Variants in RSPO3 observed in about 807,000 individuals in gnomAD.
RSPO3 encodes R-spondin 3, also known as R-spondin-3.
A neutral mutation model predicts 36.5 loss-of-function variants in RSPO3; 17 were observed. That is an observed-to-expected ratio of 0.47 (90% CI 0.32 to 0.70). The LOEUF (loss-of-function observed/expected upper bound fraction) is 0.70. Among genes scored for constraint, RSPO3 ranks in the 30% least tolerant of loss-of-function variants. The probability of loss-of-function intolerance (pLI) is 0.04; values close to 1 mark genes in which losing one functional copy is unlikely to be tolerated. For missense variants in RSPO3, 294 were observed against 322.5 expected (o/e 0.91, Z 0.68); for synonymous variants, 108 against 107.0 (o/e 1.01, Z -0.06).
At chr6:127,121,376 T>G (rs778866042) in intron 1 of RSPO3, among the ~76,000 whole-genome samples, 15 of 152,200 alleles carry the variant, frequency 9.9e-5, no homozygotes, top group Non-Finnish European at 2.1e-4. Flanking sequence ...TCGACCTGCC[T>G]TAATCATCTC....
chr6:127,145,152 C>T lies in RSPO3; in HGVS notation c.98-3496C>T, dbSNP rs1465627438. 3.3e-5 allele frequency among the ~76,000 whole-genome samples: 5 copies of T among 152,190 alleles called. No individual in the cohort carries two copies. In the South Asian group the frequency reaches 1.0e-3, roughly 32 times the overall value. On this transcript the variant is annotated intron_variant, in intron 1 of 4. Transcript: ENST00000356698. ...GCTTTTACTCCCCTGGTAGCCCCTC[C>T]CCTCTCTATTCACTGGCTGGACCTA...
chr6:127,159,638 A>C (rs1463364265), intron 4 of RSPO3, among the ~76,000 whole-genome samples: 1 of 143,684 alleles, frequency 7.0e-6, no homozygotes, highest in Non-Finnish European at 1.5e-5. Context: ...CATTACATAC[A>C]TTCTCCTTTT....
chr6:127,147,514 T>C (rs954835397), intron 1 of RSPO3, among the ~76,000 whole-genome samples: 5 of 152,128 alleles, frequency 3.3e-5, no homozygotes, highest in African/African-American at 1.2e-4. Flanking sequence ...AGCAATATAT[T>C]TGAGTGGAGA....
intron 1 of RSPO3, among the ~76,000 whole-genome samples, chr6:127,144,594 A>G (rs143086209): frequency 3.6e-3 from 428 of 117,290 alleles, no homozygotes; most frequent in African/African-American, 0.013. Flanking sequence ...AATGTCCCCT[A>G]TTTTGCATGA....
At chr6:127,142,581 A>G (rs1301054670) in intron 1 of RSPO3, among the ~76,000 whole-genome samples, 2 of 152,220 alleles carry the variant, frequency 1.3e-5, no homozygotes, top group African/African-American at 4.8e-5. Flanking sequence ...CTCTAAGGGA[A>G]TGAATTACTG....
chr6:127,123,754 G>A (rs1163957258), intron 1 of RSPO3, among the ~76,000 whole-genome samples: 1 of 152,036 alleles, frequency 6.6e-6, no homozygotes, highest in Non-Finnish European at 1.5e-5. Flanking sequence ...GAAATATGAA[G>A]AGTATTTGAA....
chr6:127,135,222 C>T (rs1774130795), intron 1 of RSPO3, among the ~76,000 whole-genome samples: 1 of 151,682 alleles, frequency 6.6e-6, no homozygotes, highest in African/African-American at 2.4e-5. Flanking sequence ...GAGATCGAGA[C>T]CATCATAGCC....
intron 4 of RSPO3, among the ~76,000 whole-genome samples, chr6:127,155,856 G>A (rs907520586): frequency 2.0e-5 from 3 of 149,218 alleles, no homozygotes; most frequent in Non-Finnish European, 3.0e-5. Context: ...AAATGTAGTG[G>A]TAAGCTTTTG....
Position 127,195,806 on chromosome 6 carries a change from G to C in RSPO3, c.635-17G>C. The stretch of plus-strand genomic sequence containing the variant: ...ATAATTGAATGTAATTTTTAAAAGA[G>C]TATCCTTTCATTTCAGGAAAAAAAG... On this transcript the variant is annotated splice_polypyrimidine_tract_variant and intron_variant, in intron 4 of 4. Transcript: ENST00000356698. 1 of 1,457,592 alleles carries C rather than the reference G, an allele frequency of 6.9e-7. No homozygotes were observed. Among genetic ancestry groups the C allele is most frequent in the East Asian group, 2.5e-5 (1 of 40,056 alleles). 90.3% of individuals were successfully genotyped at this position (1,457,592 alleles called of 1,614,324 possible).
intron 4 of RSPO3, among the ~76,000 whole-genome samples, chr6:127,183,613 T>G (rs1775232488): frequency 6.6e-6 from 1 of 152,070 alleles, no homozygotes; most frequent in African/African-American, 2.4e-5. Flanking sequence ...CTTTTTCATT[T>G]AATTCATTCA....
chr6:127,169,427 T>C (rs915354455), intron 4 of RSPO3, among the ~76,000 whole-genome samples: 3 of 151,912 alleles, frequency 2.0e-5, no homozygotes, highest in Admixed American at 6.6e-5. Context: ...CATAGGTATG[T>C]ATAAGCTATC....
chr6:127,151,141 C>T (rs916284121), intron 3 of RSPO3, among the ~76,000 whole-genome samples: 1 of 151,868 alleles, frequency 6.6e-6, no homozygotes, highest in Non-Finnish European at 1.5e-5. Flanking sequence ...AAATCTCACT[C>T]TTTTTCTCTC....
intron 1 of RSPO3, among the ~76,000 whole-genome samples, chr6:127,145,834 T>C (rs1348185141): frequency 6.6e-6 from 1 of 152,200 alleles, no homozygotes; most frequent in Non-Finnish European, 1.5e-5. Flanking sequence ...CATGAGAAAG[T>C]AAAATTCTAT....
intron 1 of RSPO3, among the ~76,000 whole-genome samples, chr6:127,129,622 T>C (rs1436959020): frequency 1.3e-5 from 2 of 152,106 alleles, no homozygotes; most frequent in East Asian, 3.9e-4. Flanking sequence ...GTAGGAAATA[T>C]ACCAGAAAAC....
At chr6:127,175,643 A>C (rs765886102) in intron 4 of RSPO3, among the ~76,000 whole-genome samples, 2 of 151,734 alleles carry the variant, frequency 1.3e-5, no homozygotes, top group African/African-American at 2.4e-5. Flanking sequence ...CTCCCTGTCA[A>C]CATTGCAGAG....
chr6:127,178,385 A>G (rs771353769), intron 4 of RSPO3, among the ~76,000 whole-genome samples: 58 of 151,858 alleles, frequency 3.8e-4, no homozygotes, highest in South Asian at 4.1e-4. Context: ...TATTGGTGCA[A>G]AAATGGTTTT....
chr6:127,161,170 T>C (rs1774702817), intron 4 of RSPO3, among the ~76,000 whole-genome samples: 1 of 152,128 alleles, frequency 6.6e-6, no homozygotes, highest in African/African-American at 2.4e-5. Context: ...GCAGGATCTA[T>C]GTGAGGATTC....
At chr6:127,172,589 G>GA (rs1287522057) in intron 4 of RSPO3, among the ~76,000 whole-genome samples, 1 of 151,668 alleles carries the variant, frequency 6.6e-6, no homozygotes, top group African/African-American at 2.4e-5. Flanking sequence ...CCAAAAGACA[G>GA]AAACATGTAT....
intron 1 of RSPO3, among the ~76,000 whole-genome samples, chr6:127,139,350 T>C (rs1056164968): frequency 5.9e-5 from 9 of 152,296 alleles, no homozygotes; most frequent in African/African-American, 2.2e-4. Flanking sequence ...TTTAGCATGC[T>C]ATGTAGCACA....
Sources: allele counts gnomAD v4.1 joint callset (sites outside exome capture counted in the v4.1 genomes callset), GRCh38; gene constraint gnomAD v4.1.1; transcripts MANE v1.5; gene names NCBI Gene and HGNC (gene_info 2026-07-23, HGNC 2026-07-21).